NAA15: variants seen among roughly 807,000 people sequenced by gnomAD.
NAA15 encodes the protein N-terminal acetyltransferase.
A neutral mutation model predicts 114.0 loss-of-function variants in NAA15; 34 were observed. The observed-to-expected ratio is 0.30, with a 90% CI of 0.23 to 0.40. The LOEUF is 0.40. Among genes scored for constraint, NAA15 ranks in the 10% least tolerant of loss-of-function variants. The pLI is 1.00. For synonymous variants in NAA15, 340 were observed against 338.0 expected (o/e 1.01, Z -0.06); for missense variants, 658 against 1,004.5 (o/e 0.66, Z 4.66).
At chr4:139,340,074 C>T (rs1005742287) in intron 3 of NAA15, among the ~76,000 whole-genome samples, 1 of 152,150 alleles carries the variant, frequency 6.6e-6, no homozygotes. Context: ...GTAATCCCCG[C>T]ACTTTGGGAG....
At chr4:139,385,306 T>TA (rs1748882435) in intron 18 of NAA15, among the ~76,000 whole-genome samples, 4 of 103,514 alleles carry the variant, frequency 3.9e-5, no homozygotes, top group Admixed American at 1.8e-4. Context: ...ATATAATATA[T>TA]ATTATATATA....
At chr4:139,345,045 T>C (rs1170699114) in intron 6 of NAA15, among the ~76,000 whole-genome samples, 3 of 152,252 alleles carry the variant, frequency 2.0e-5, no homozygotes, top group Admixed American at 2.0e-4. Context: ...TGCTGCTTTG[T>C]CCTTGCTAGT....
At chr4:139,333,122 A>C (rs1233188345) in intron 1 of NAA15, among the ~76,000 whole-genome samples, 2 of 151,846 alleles carry the variant, frequency 1.3e-5, no homozygotes, top group Non-Finnish European at 2.9e-5. Flanking sequence ...GACATTAATT[A>C]CAAGAGAAAA....
At position 139,376,313 on chromosome 4, in the gene NAA15, C is replaced by A; in HGVS notation, c.1948-52C>A. The A allele has an allele frequency of 2.7e-6, 3 of 1,119,452 alleles. 1 individual carries two copies. Among genetic ancestry groups the A allele is most frequent in the South Asian group, 2.8e-5 (2 of 70,886 alleles). 69.3% of individuals were successfully genotyped at this position (1,119,452 alleles called of 1,614,324 possible). A position where few individuals can be genotyped will look rare whatever the true frequency, so the allele number is the denominator to read the frequency against. On this transcript the variant is annotated intron_variant, in intron 15 of 19. Coordinates refer to ENST00000296543, the MANE Select transcript of NAA15 (RefSeq NM_057175.5). ...AAGAATTTTTAGTAGAATAAAATCA[C>A]ATTCCCCAAGAACCTTAGTTTCATT... is the stretch of plus-strand genomic sequence containing the variant.
chr4:139,310,184 G>T lies in NAA15; in HGVS notation c.54+8353G>T, dbSNP rs1022105245. 5.3e-5 allele frequency among the ~76,000 whole-genome samples: 8 copies of T among 152,298 alleles called. No individual in the cohort carries two copies. The South Asian group carries it at 1.7e-3, about 32-fold the overall frequency. On this transcript the variant is annotated intron_variant, in intron 1 of 19. Coordinates refer to ENST00000296543, the MANE Select transcript of NAA15 (RefSeq NM_057175.5). ...TAAAAACATTTTTGGGCCGGGCGCG[G>T]TGGCTCACGCCTGTAATCCCAGCAC...
intron 15 of NAA15, among the ~76,000 whole-genome samples, chr4:139,375,889 G>C (rs745841429): frequency 6.7e-6 from 1 of 149,734 alleles, no homozygotes; most frequent in South Asian, 2.1e-4. Context: ...GAATAAATAC[G>C]AATTCCTGTA....
chr4:139,343,288 A>G (rs531213854), intron 5 of NAA15, among the ~76,000 whole-genome samples: 1 of 152,294 alleles, frequency 6.6e-6, no homozygotes, highest in South Asian at 2.1e-4. Flanking sequence ...TCAGTTCTCT[A>G]GATAGTATTA....
intron 1 of NAA15, among the ~76,000 whole-genome samples, chr4:139,333,908 TAAATA>T (rs1747113799): frequency 1.3e-5 from 2 of 152,076 alleles, no homozygotes; most frequent in Admixed American, 1.3e-4. Flanking sequence ...TAAAAAAAAA[TAAATA>T]AAAGAAATTC....
chr4:139,321,594 C>T (rs939202212), intron 1 of NAA15, among the ~76,000 whole-genome samples: 2 of 140,706 alleles, frequency 1.4e-5, no homozygotes, highest in South Asian at 2.6e-4. Flanking sequence ...GCCTCAGCCT[C>T]CCGAGTAGCT....
At chr4:139,333,545 AG>A (rs1173430877) in intron 1 of NAA15, among the ~76,000 whole-genome samples, 1 of 152,010 alleles carries the variant, frequency 6.6e-6, no homozygotes, top group African/African-American at 2.4e-5. Flanking sequence ...TGAAAGCTTC[AG>A]TAAAAAGAAA....
intron 17 of NAA15, 102 bp from the exon 18 acceptor site, chr4:139,384,720 ACTCCAGCCTG>A (rs1198168682): frequency 1.6e-6 from 1 of 622,034 alleles, no homozygotes; most frequent in African/African-American, 1.9e-5. Context: ...GTGCCACTGT[ACTCCAGCCTG>A]GGTGATAGAG....
intron 1 of NAA15, among the ~76,000 whole-genome samples, chr4:139,315,021 G>T (rs754349058): frequency 0.22 from 12,950 of 59,562 alleles, 1,664 homozygotes; most frequent in African/African-American, 0.36. Flanking sequence ...GTTAGGTTAG[G>T]TTAGGTTAGG....
At chr4:139,383,411 C>T (rs1457552195) in intron 17 of NAA15, among the ~76,000 whole-genome samples, 4 of 152,194 alleles carry the variant, frequency 2.6e-5, no homozygotes, top group Non-Finnish European at 5.9e-5. Flanking sequence ...TGGATTCAAT[C>T]CAGAGGAATC....
At chr4:139,369,737 C>CAAA (rs1247894181) in intron 14 of NAA15, among the ~76,000 whole-genome samples, 13 of 79,196 alleles carry the variant, frequency 1.6e-4, no homozygotes, top group Non-Finnish European at 2.3e-4. Context: ...GACTCCGTCT[C>CAAA]AAAAAAAAAA....
chr4:139,326,731 C>A (rs1462086242), intron 1 of NAA15, among the ~76,000 whole-genome samples: 1 of 152,094 alleles, frequency 6.6e-6, no homozygotes. Context: ...CCTAGATTTC[C>A]TTTTATATCA....
At chr4:139,315,016 G>T (rs4057985) in intron 1 of NAA15, among the ~76,000 whole-genome samples, 30,176 of 80,378 alleles carry the variant, frequency 0.38, 5,421 homozygotes, top group South Asian at 0.54. Context: ...TTTAGGTTAG[G>T]TTAGGTTAGG....
chr4:139,361,974 T>C (rs1314683620), intron 14 of NAA15, 37 bp downstream of exon 14: 1 of 1,317,834 alleles, frequency 7.6e-7, no homozygotes, highest in African/African-American at 1.5e-5. Flanking sequence ...CTCTGATGTG[T>C]TTATGTGTAT....
intron 1 of NAA15, among the ~76,000 whole-genome samples, chr4:139,328,641 C>G (rs1368551466): frequency 6.8e-6 from 1 of 147,988 alleles, no homozygotes; most frequent in Non-Finnish European, 1.5e-5. Flanking sequence ...GATCTCGGCT[C>G]ACTGTAACCT....
chr4:139,363,179 G>A (rs982366093), intron 14 of NAA15, among the ~76,000 whole-genome samples: 1 of 152,110 alleles, frequency 6.6e-6, no homozygotes, highest in East Asian at 1.9e-4. Context: ...ATGACCCTCT[G>A]GCTTCTTTTG....
Sources: gnomAD v4.1 joint callset for allele counts (sites outside exome capture counted in the v4.1 genomes callset) on GRCh38, gnomAD v4.1.1 for gene constraint, MANE v1.5 for transcripts, NCBI Gene and HGNC (gene_info 2026-07-23, HGNC 2026-07-21) for gene names.